Variants in SPMAP2 observed in about 807,000 individuals in gnomAD.
SPMAP2 encodes sperm microtubule associated protein 2.
At chr19:373,348 G>A in the SPMAP2 span, 2 of 885,678 alleles carry the variant, frequency 2.3e-6, no homozygotes, top group South Asian at 1.6e-5. Flanking sequence ...CTCCAGTGGG[G>A]AGGACAGAGG....
At chr19:375,777 G>T in the SPMAP2 span, 1 of 1,610,036 alleles carries the variant, frequency 6.2e-7, no homozygotes, top group East Asian at 2.2e-5. Context: ...CTCCTCGGGG[G>T]GAAGCTCCTC....
the SPMAP2 span, chr19:362,468 C>T: frequency 1.9e-5 from 28 of 1,490,920 alleles, no homozygotes; most frequent in Middle Eastern, 1.8e-4. Flanking sequence ...AAGCTCAAAC[C>T]TCAAAGCTCC....
chr19:364,129 C>T, the SPMAP2 span, among the ~76,000 whole-genome samples: 45 of 150,514 alleles, frequency 3.0e-4, no homozygotes, highest in East Asian at 7.9e-4. Flanking sequence ...GTCAGGAGAT[C>T]GAGACCATCC....
At chr19:362,638 C>T in the SPMAP2 span, among the ~76,000 whole-genome samples, 14 of 151,874 alleles carry the variant, frequency 9.2e-5, no homozygotes, top group Non-Finnish European at 1.3e-4. Flanking sequence ...CGTGGTGGTG[C>T]GTCTCTAGTC....
At chr19:375,619 C>T in the SPMAP2 span, 1 of 1,509,856 alleles carries the variant, frequency 6.6e-7, no homozygotes, top group African/African-American at 1.4e-5. Flanking sequence ...AGGGGCTGAG[C>T]CCTACCCCAC....
the SPMAP2 span, chr19:371,237 G>T: frequency 6.7e-7 from 1 of 1,500,486 alleles, no homozygotes; most frequent in Non-Finnish European, 8.9e-7. Flanking sequence ...AAGTTATCAC[G>T]AATCTTCGGG....
At chr19:374,619 G>A in the SPMAP2 span, 69 of 658,246 alleles carry the variant, frequency 1.0e-4, no homozygotes, top group African/African-American at 8.8e-4. Flanking sequence ...TCCACTGCTC[G>A]CTGGATGGAA....
the SPMAP2 span, chr19:374,098 G>A: frequency 2.1e-5 from 32 of 1,493,268 alleles, no homozygotes; most frequent in Middle Eastern, 3.4e-4. Flanking sequence ...TTTGGCCACC[G>A]CCCAGAGGGC....
At chr19:366,727 C>T in the SPMAP2 span, among the ~76,000 whole-genome samples, 2 of 152,004 alleles carry the variant, frequency 1.3e-5, no homozygotes, top group Admixed American at 6.6e-5. Context: ...TCTGGCAATT[C>T]GCACACATTA....
At chr19:374,296 C>T in the SPMAP2 span, 1 of 1,614,022 alleles carries the variant, frequency 6.2e-7, no homozygotes, top group South Asian at 1.1e-5. Flanking sequence ...GGCGTGTCCT[C>T]ACCTGTCTTT....
the SPMAP2 span, chr19:362,379 A>G: frequency 6.2e-7 from 1 of 1,608,446 alleles, no homozygotes; most frequent in Non-Finnish European, 8.5e-7. Flanking sequence ...AGCACCTCCC[A>G]GCGAGGATCT....
chr19:375,699 A>G, the SPMAP2 span: 2 of 1,602,726 alleles, frequency 1.2e-6, no homozygotes, highest in Middle Eastern at 1.7e-4. Flanking sequence ...GTCCTTGTCC[A>G]GGACTCTCTC....
At chr19:362,539 A>G in the SPMAP2 span, 1 of 779,620 alleles carries the variant, frequency 1.3e-6, no homozygotes, top group Non-Finnish European at 2.0e-6. Context: ...AGGCTGAGGC[A>G]GGTGGATCAC....
the SPMAP2 span, chr19:374,345 T>G: frequency 1.2e-6 from 2 of 1,614,152 alleles, no homozygotes; most frequent in Non-Finnish European, 1.7e-6. Context: ...GCCAGCTCCA[T>G]GAGCCTCCTC....
the SPMAP2 span, among the ~76,000 whole-genome samples, chr19:375,197 C>T: frequency 1.3e-5 from 2 of 152,234 alleles, no homozygotes; most frequent in African/African-American, 4.8e-5. Context: ...GCTGATTGGC[C>T]GAAGCGTCAG....
At chr19:368,117 A>T in the SPMAP2 span, among the ~76,000 whole-genome samples, 1 of 152,180 alleles carries the variant, frequency 6.6e-6, no homozygotes, top group East Asian at 1.9e-4. This position sits in a 1 kb window ranked among gnomAD's most constrained non-coding sequence, Gnocchi z 4.1. Context: ...TGGGGGGTCG[A>T]GGTGGCAGGA....
the SPMAP2 span, chr19:362,109 A>G: frequency 2.0e-6 from 2 of 980,806 alleles, no homozygotes; most frequent in Admixed American, 6.1e-5. Flanking sequence ...TTGGCCTTCT[A>G]GCCCGCCCTC....
chr19:363,909 C>G, the SPMAP2 span, among the ~76,000 whole-genome samples: 2 of 152,052 alleles, frequency 1.3e-5, no homozygotes, highest in Non-Finnish European at 1.5e-5. Flanking sequence ...TCACTGCAGC[C>G]TCCACCTGAC....
chr19:362,765 TAAAAAAAAAAAAAAAAAA>T, the SPMAP2 span, among the ~76,000 whole-genome samples: 1 of 57,484 alleles, frequency 1.7e-5, no homozygotes, highest in African/African-American at 6.1e-5. Flanking sequence ...GACTCCATCT[TAAAAAAAAAAAAAAAAAA>T]AAAAAAAAGC....
Sources: allele counts gnomAD v4.1 joint callset (sites outside exome capture counted in the v4.1 genomes callset), GRCh38; gene constraint gnomAD v4.1.1; non-coding constraint Gnocchi (gnomAD v3.1); transcripts MANE v1.5; gene names NCBI Gene and HGNC (gene_info 2026-07-23, HGNC 2026-07-21).